COL10A1: variants seen among roughly 807,000 people sequenced by gnomAD.
COL10A1 encodes collagen type X alpha 1 chain.
Under a neutral mutation model 18.2 loss-of-function variants are expected in COL10A1, and 10 were observed. The ratio of observed to expected loss-of-function variants is 0.55; its 90% CI spans 0.34 to 0.93. The LOEUF is 0.93. COL10A1 is among the 40% of genes least tolerant of loss of function. The pLI is 0.02. For synonymous variants in COL10A1, 330 were observed against 316.6 expected (o/e 1.04, Z -0.45); for missense variants, 897 against 853.5 (o/e 1.05, Z -0.64).
At chr6:116,198,972 A>G in the COL10A1 span, among the ~76,000 whole-genome samples, 2 of 152,000 alleles carry the variant, frequency 1.3e-5, no homozygotes, top group African/African-American at 2.4e-5. Context: ...CCTTAGCACT[A>G]TTGTCATCTT....
intron 1 of COL10A1, among the ~76,000 whole-genome samples, chr6:116,148,843 C>T (rs1779962653): frequency 6.6e-6 from 1 of 151,960 alleles, no homozygotes; most frequent in Admixed American, 6.6e-5. Context: ...AAAAGTAAAG[C>T]ATAACAGGGA....
chr6:116,125,552 C>T (rs1366342719), intron 1 of COL10A1, 45 bp from the exon 2 acceptor site: 1 of 1,562,118 alleles, frequency 6.4e-7, no homozygotes, highest in South Asian at 1.1e-5. Context: ...TGTTATTAAC[C>T]TATTTTTTTA....
chr6:116,215,284 T>C, the COL10A1 span, among the ~76,000 whole-genome samples: 6 of 152,184 alleles, frequency 3.9e-5, no homozygotes, highest in South Asian at 2.1e-4. Flanking sequence ...AAGTACATAG[T>C]AGTAACTAAA....
At chr6:116,182,493 A>G in the COL10A1 span, among the ~76,000 whole-genome samples, 1 of 152,130 alleles carries the variant, frequency 6.6e-6, no homozygotes, top group Non-Finnish European at 1.5e-5. Context: ...ACTAGTTTAC[A>G]TACCCACCAA....
the COL10A1 span, among the ~76,000 whole-genome samples, chr6:116,165,584 C>T: frequency 5.7e-3 from 866 of 152,340 alleles, 17 homozygotes; most frequent in South Asian, 0.046. Flanking sequence ...AAAAATGCCT[C>T]TCCTACATCC....
the COL10A1 span, among the ~76,000 whole-genome samples, chr6:116,193,581 A>G: frequency 6.6e-6 from 1 of 152,104 alleles, no homozygotes; most frequent in Non-Finnish European, 1.5e-5. Flanking sequence ...CATAAACTGA[A>G]AGTCACTAAT....
the COL10A1 span, among the ~76,000 whole-genome samples, chr6:116,215,569 G>A: frequency 3.3e-5 from 5 of 152,200 alleles, no homozygotes; most frequent in African/African-American, 9.6e-5. Context: ...AGCTGTCAGC[G>A]TCCTCATTAA....
chr6:116,144,560 A>G (rs1270298033), intron 1 of COL10A1, among the ~76,000 whole-genome samples: 3 of 152,014 alleles, frequency 2.0e-5, no homozygotes, highest in Non-Finnish European at 4.4e-5. Context: ...CTGGTTTTCT[A>G]TATTACTTTA....
the COL10A1 span, among the ~76,000 whole-genome samples, chr6:116,178,778 G>A: frequency 1.4e-4 from 21 of 152,112 alleles, no homozygotes; most frequent in Admixed American, 1.1e-3. Context: ...GAAGGGGAGG[G>A]GAACTCATGG....
the COL10A1 span, among the ~76,000 whole-genome samples, chr6:116,175,097 A>G: frequency 2.8e-4 from 43 of 152,152 alleles, no homozygotes; most frequent in Non-Finnish European, 5.0e-4. Context: ...TTTTCTTGAG[A>G]TATAATTTAT....
At chr6:116,191,419 G>A in the COL10A1 span, among the ~76,000 whole-genome samples, 5 of 152,104 alleles carry the variant, frequency 3.3e-5, no homozygotes, top group Admixed American at 2.0e-4. Context: ...GGAGATTCAC[G>A]GGAAAGAAGA....
chr6:116,206,615 T>G, the COL10A1 span, among the ~76,000 whole-genome samples: 6 of 152,000 alleles, frequency 3.9e-5, no homozygotes, highest in African/African-American at 1.4e-4. Flanking sequence ...GCAACAGCTG[T>G]TTCTTAATGA....
rs546873545 is a variant in COL10A1 at position 116,125,624 on chromosome 6, A to G, written c.-15-117T>C. The stretch of plus-strand genomic sequence containing the variant: ...TCTACTTTTTTAACCTATCCTATAT[A>G]TTTTTAATATGTGCCATAAATAAAT... On this transcript the variant is annotated intron_variant, in intron 1 of 2. Transcript: ENST00000651968. The G allele has an allele frequency of 1.1e-4, 92 of 810,876 alleles. No individual in the cohort carries two copies. The African/African-American group carries it at 1.5e-3, about 13-fold the overall frequency. 50.2% of individuals were successfully genotyped at this position (810,876 alleles called of 1,614,324 possible).
intron 1 of COL10A1, among the ~76,000 whole-genome samples, chr6:116,146,437 CTG>C (rs1779899157): frequency 6.6e-6 from 1 of 152,118 alleles, no homozygotes; most frequent in Non-Finnish European, 1.5e-5. Flanking sequence ...AAGTAAATAA[CTG>C]GAGTTGCTTT....
intron 1 of COL10A1, among the ~76,000 whole-genome samples, chr6:116,154,356 C>G (rs529129455): frequency 6.6e-6 from 1 of 152,026 alleles, no homozygotes; most frequent in Admixed American, 6.6e-5. Flanking sequence ...ATCCTAACAC[C>G]GTCCATGGTC....
the COL10A1 span, among the ~76,000 whole-genome samples, chr6:116,213,664 A>G: frequency 8.5e-5 from 13 of 152,190 alleles, no homozygotes; most frequent in East Asian, 1.2e-3. Context: ...CATCTGTTCT[A>G]TGTGTAGATC....
chr6:116,134,902 A>G lies in COL10A1; in HGVS notation c.-15-9395T>C, dbSNP rs560835360. Among the ~76,000 whole-genome samples the G allele has an allele frequency of 5.8e-4, 88 of 152,286 alleles. 2 individuals carry two copies. In the South Asian group the frequency reaches 0.018, roughly 31 times the overall value. On this transcript the variant is annotated intron_variant, in intron 1 of 1. Coordinates refer to the COL10A1 transcript ENST00000418500. ...TTCAGGTTGGGCCTGAGATGGAAAG[A>G]AAAAGGAGAAGAGCCCAGAATCTTG... is the stretch of plus-strand genomic sequence containing the variant.
At chr6:116,171,695 G>A in the COL10A1 span, among the ~76,000 whole-genome samples, 47 of 152,200 alleles carry the variant, frequency 3.1e-4, no homozygotes, top group African/African-American at 1.1e-3. Context: ...TTCTACTTTT[G>A]AATTTAAAGA....
At chr6:116,134,319 C>A (rs920008315) in intron 1 of COL10A1, among the ~76,000 whole-genome samples, 7 of 152,164 alleles carry the variant, frequency 4.6e-5, no homozygotes, top group Admixed American at 3.3e-4. Flanking sequence ...AGATAAACGC[C>A]AGACACCAAA....
Sources: allele counts gnomAD v4.1 joint callset (sites outside exome capture counted in the v4.1 genomes callset), GRCh38; gene constraint gnomAD v4.1.1; transcripts MANE v1.5; gene names NCBI Gene and HGNC (gene_info 2026-07-23, HGNC 2026-07-21).